CHSY3: variants seen among roughly 807,000 people sequenced by gnomAD.
CHSY3 encodes the protein N-acetylgalactosaminyl-proteoglycan 3-beta-glucuronosyltransferase 3.
A neutral mutation model predicts 67.2 loss-of-function variants in CHSY3; 35 were observed. That is an observed-to-expected ratio of 0.52 (90% CI 0.40 to 0.69). The LOEUF is 0.69. CHSY3 is among the 30% of genes least tolerant of loss of function. CHSY3 has a pLI of 0.00. For synonymous variants in CHSY3, 474 were observed against 434.7 expected (o/e 1.09, Z -1.12); for missense variants, 1,069 against 1,138.5 (o/e 0.94, Z 0.88).
At chr5:130,101,331 A>G (rs1767236684) in intron 2 of CHSY3, among the ~76,000 whole-genome samples, 1 of 152,172 alleles carries the variant, frequency 6.6e-6, no homozygotes. Flanking sequence ...CAAATTTCTC[A>G]AAATCACCAT....
At chr5:130,117,697 C>G (rs530050925) in intron 2 of CHSY3, among the ~76,000 whole-genome samples, 3 of 152,238 alleles carry the variant, frequency 2.0e-5, no homozygotes, top group Non-Finnish European at 2.9e-5. Flanking sequence ...AATTTCACCA[C>G]CAAAAGTTTC....
At chr5:130,154,659 C>T (rs1769321893) in intron 2 of CHSY3, among the ~76,000 whole-genome samples, 2 of 152,052 alleles carry the variant, frequency 1.3e-5, no homozygotes, top group Non-Finnish European at 1.5e-5. Context: ...AGTGGATGTT[C>T]ATTAATAGTA....
chr5:130,006,291 A>C (rs1763872405), intron 2 of CHSY3, among the ~76,000 whole-genome samples: 1 of 152,170 alleles, frequency 6.6e-6, no homozygotes, highest in African/African-American at 2.4e-5. Flanking sequence ...ACATAGTAAG[A>C]TGCAAACCTG....
At chr5:130,148,389 G>T (rs1208157839) in intron 2 of CHSY3, among the ~76,000 whole-genome samples, 1 of 152,086 alleles carries the variant, frequency 6.6e-6, no homozygotes, top group Non-Finnish European at 1.5e-5. Context: ...AGAATGATTT[G>T]TATTCCTTTG....
At chr5:130,102,014 A>T (rs1335764556) in intron 2 of CHSY3, among the ~76,000 whole-genome samples, 1 of 152,082 alleles carries the variant, frequency 6.6e-6, no homozygotes, top group African/African-American at 2.4e-5. Context: ...GAAAAACAAC[A>T]TTGTTTTGTG....
At chr5:130,049,588 C>G (rs1222540378) in intron 2 of CHSY3, among the ~76,000 whole-genome samples, 2 of 152,002 alleles carry the variant, frequency 1.3e-5, no homozygotes, top group East Asian at 3.9e-4. Context: ...GTCAACTACT[C>G]TAGTAACAAG....
chr5:130,167,150 G>A (rs1156827400), intron 2 of CHSY3, among the ~76,000 whole-genome samples: 1 of 151,858 alleles, frequency 6.6e-6, no homozygotes, highest in Non-Finnish European at 1.5e-5. Flanking sequence ...TACAACTGAT[G>A]TTTTTATATA....
chr5:129,996,966 C>T (rs946862080), intron 2 of CHSY3, among the ~76,000 whole-genome samples: 3 of 151,848 alleles, frequency 2.0e-5, no homozygotes, highest in African/African-American at 4.8e-5. Context: ...TTTTTTGAAC[C>T]AATGAATGAA....
chr5:129,905,703 C>G, intron 1 of CHSY3, 72 bp downstream of exon 1: 2 of 1,554,102 alleles, frequency 1.3e-6, no homozygotes, highest in Non-Finnish European at 1.7e-6. Flanking sequence ...GTCCTAGCCC[C>G]TGCCCAGCCC....
intron 2 of CHSY3, among the ~76,000 whole-genome samples, chr5:130,108,141 ACT>A (rs1464129515): frequency 6.6e-6 from 1 of 151,522 alleles, no homozygotes; most frequent in African/African-American, 2.4e-5. Context: ...TTCTTGCCTA[ACT>A]CTATAATTTA....
rs1483884286 is a variant in CHSY3 at position 130,186,517 on chromosome 5, T to G, written c.*726T>G. ...TGATTTAATTAAATATTCATGTACA[T>G]TTTAGAAGCTTTATGAAACAATGTC... On this transcript the variant is annotated 3_prime_UTR_variant, in exon 3 of 3. Transcript: ENST00000305031. 6.5e-6 allele frequency: 1 copy of G among 152,772 alleles called. No individual in the cohort carries two copies. Among genetic ancestry groups the G allele is most frequent in the East Asian group, 1.9e-4 (1 of 5,332 alleles). The allele number at this position is 152,772 out of a possible 1,614,324, so 9.5% of individuals were successfully genotyped here.
intron 2 of CHSY3, among the ~76,000 whole-genome samples, chr5:130,155,238 T>A (rs1769344111): frequency 6.6e-6 from 1 of 152,208 alleles, no homozygotes; most frequent in Non-Finnish European, 1.5e-5. Flanking sequence ...ATAGTAAACG[T>A]GGGACCTTTA....
chr5:129,986,090 C>A (rs1282291444), intron 2 of CHSY3, among the ~76,000 whole-genome samples: 2 of 152,106 alleles, frequency 1.3e-5, no homozygotes, highest in Admixed American at 1.3e-4. Flanking sequence ...GAATGGGCAT[C>A]CTTGTCGTGT....
At chr5:129,996,853 A>G (rs10477712) in intron 2 of CHSY3, among the ~76,000 whole-genome samples, 80,374 of 151,854 alleles carry the variant, frequency 0.53, 21,686 homozygotes, top group Non-Finnish European at 0.59. Context: ...AATTCTTGCT[A>G]ATTGTGTATC....
At chr5:130,120,113 A>T (rs1037228132) in intron 2 of CHSY3, among the ~76,000 whole-genome samples, 1 of 152,204 alleles carries the variant, frequency 6.6e-6, no homozygotes, top group Non-Finnish European at 1.5e-5. Flanking sequence ...ATAAAATTTT[A>T]AAAATCTACT....
At chr5:130,104,860 A>G (rs1767366104) in intron 2 of CHSY3, among the ~76,000 whole-genome samples, 1 of 151,826 alleles carries the variant, frequency 6.6e-6, no homozygotes, top group Non-Finnish European at 1.5e-5. Flanking sequence ...AATTAAATGT[A>G]TCATTTAATT....
At position 130,185,645 on chromosome 5, in the gene CHSY3, C is replaced by G; in HGVS notation, c.2503C>G (p.Pro835Ala). The G allele has an allele frequency of 6.2e-7, 1 of 1,614,052 alleles. No individual in the cohort carries two copies. The highest frequency in any genetic ancestry group is 2.2e-5 in the East Asian group (1 of 44,872). ...QEVGVVHIFHPVHCDPNLDPK... is the reference protein window; with the variant it reads ...QEVGVVHIFHAVHCDPNLDPK... ...AGTAGGAGTGGTGCATATTTTCCAT[C>G]CAGTTCATTGTGATCCTAACTTGGA... is the stretch of plus-strand genomic sequence containing the variant. Residue 835 changes from proline to alanine, a missense_variant, in exon 3 of 3, where the codon CCA becomes GCA. Pro to Ala is a conservative substitution (Grantham distance 27, BLOSUM62 -1). Around this residue, in one of 5 missense-constraint regions of CHSY3, gnomAD observed 139 missense variants for 152.8 expected, o/e 0.91. Coordinates refer to ENST00000305031, the MANE Select transcript of CHSY3 (RefSeq NM_175856.5).
At position 130,116,596 on chromosome 5, in the gene CHSY3, C is replaced by T. The variant is rs561573050; in HGVS notation, c.1087-67633C>T. 2.2e-4 allele frequency among the ~76,000 whole-genome samples: 34 copies of T among 152,210 alleles called. 1 individual carries two copies. Among genetic ancestry groups the T allele is most frequent in the African/African-American group, 3.4e-4 (14 of 41,528 alleles). ...AGTTGGCTGTGATGAATTATTCCACCGTCGTGGGTGCCAAGTGGAGCGATT... is the reference window on the plus strand; with the variant it reads ...AGTTGGCTGTGATGAATTATTCCACTGTCGTGGGTGCCAAGTGGAGCGATT... On this transcript the variant is annotated intron_variant, in intron 2 of 2. Coordinates refer to ENST00000305031, the MANE Select transcript of CHSY3 (RefSeq NM_175856.5).
At position 130,184,628 on chromosome 5, in the gene CHSY3, G is replaced by T. The variant is rs1242943503; in HGVS notation, c.1486G>T (p.Asp496Tyr). Residue 496 changes from aspartate to tyrosine, a missense_variant, in exon 3 of 3, where the codon GAT becomes TAT. By Grantham distance (160) the Asp-to-Tyr change is radical (BLOSUM62 -3). Coordinates refer to ENST00000305031, the MANE Select transcript of CHSY3 (RefSeq NM_175856.5). ...CAGTAGCATTTTAAGAACAGCACTG[G>T]ATGATACCGTCCTACAGGTGATGGA... Reference protein sequence around the residue: ...SLSSILRTALDDTVLQVMEMI... With the variant: ...SLSSILRTALYDTVLQVMEMI... 1 of 1,606,534 alleles carries T rather than the reference G, an allele frequency of 6.2e-7. No homozygotes were observed. Among genetic ancestry groups the T allele is most frequent in the Admixed American group, 1.7e-5 (1 of 59,990 alleles).
Sources: gnomAD v4.1 joint callset for allele counts (sites outside exome capture counted in the v4.1 genomes callset) on GRCh38, gnomAD v4.1.1 for gene constraint, gnomAD v4.1.1 regional missense constraint, MANE v1.5 for transcripts, NCBI Gene and HGNC (gene_info 2026-07-23, HGNC 2026-07-21) for gene names.